THBS4: variants seen among roughly 807,000 people sequenced by gnomAD.
THBS4 encodes the protein thrombospondin 4, also known as thrombospondin-4.
A neutral mutation model predicts 115.7 loss-of-function variants in THBS4; 90 were observed. The observed-to-expected ratio is 0.78, with a 90% CI of 0.66 to 0.93. THBS4 has a LOEUF of 0.93. THBS4 is among the 40% of genes least tolerant of loss of function. The pLI is 0.00. For missense variants in THBS4, 1,087 were observed against 1,232.7 expected (o/e 0.88, Z 1.77); for synonymous variants, 460 against 479.3 (o/e 0.96, Z 0.53).
upstream of THBS4, among the ~76,000 whole-genome samples, chr5:80,034,057 A>G (rs1395050660): frequency 6.6e-6 from 1 of 152,168 alleles, no homozygotes; most frequent in Non-Finnish European, 1.5e-5. Flanking sequence ...TCCTGGGAAC[A>G]TGGTCTGGAG....
At chr5:80,005,932 A>G (rs138598437) in intron 2 of THBS4, among the ~76,000 whole-genome samples, 8,185 of 151,470 alleles carry the variant, frequency 0.054, 282 homozygotes, top group South Asian at 0.098. Flanking sequence ...ATGCCCAGCT[A>G]ATTTTTGTAT....
At position 80,055,898 on chromosome 5, in the gene THBS4, C is replaced by A. The variant is rs376440981; in HGVS notation, c.406C>A (p.Arg136=). The A allele has an allele frequency of 6.2e-7, 1 of 1,614,038 alleles. No homozygotes were observed. Among genetic ancestry groups the A allele is most frequent in the African/African-American group, 1.3e-5 (1 of 74,902 alleles). ...CCTCCTGAGGCTGAGCAATTTGCAG[C>A]GAGGGGCCGGCTCCCTAGAGCTCTA... ...RILLRLSNLQ[R]GAGSLELYLD... Residue 136 remains arginine (R), a synonymous_variant, in exon 3 of 22, where the codon CGA becomes AGA. Transcript: ENST00000350881.
chr5:80,045,328 G>A (rs897572958), intron 2 of THBS4, among the ~76,000 whole-genome samples: 16 of 152,130 alleles, frequency 1.1e-4, no homozygotes, highest in Admixed American at 8.5e-4. Flanking sequence ...AGTGTTTGCT[G>A]TAATGACCAG....
chr5:80,009,298 A>G (rs1376486187), intron 2 of THBS4, among the ~76,000 whole-genome samples: 1 of 152,250 alleles, frequency 6.6e-6, no homozygotes, highest in Non-Finnish European at 1.5e-5. Context: ...CAAATTGCCA[A>G]GAGATGCATT....
In THBS4 at chr5:80,079,095, G is replaced by A; in HGVS notation, c.2348G>A (p.Gly783Glu). Residue 783 changes from glycine (G) to glutamate (E), a missense_variant, in exon 19 of 22, where the codon GGG becomes GAG. By Grantham distance (98) the Gly-to-Glu change is moderately conservative (BLOSUM62 -2). Around this residue, in one of 3 missense-constraint regions of THBS4, gnomAD observed 979 missense variants for 1,103.7 expected, o/e 0.89. Transcript: ENST00000350881. ...YTAFNGVDFEGTFHVNTQTDD... is the reference protein window; with the variant it reads ...YTAFNGVDFEETFHVNTQTDD... ...GCTTTTAATGGAGTTGACTTCGAAG[G>A]GACCTTCCATGTGAATACCCAGACA... is the stretch of plus-strand genomic sequence containing the variant. 1 of 1,613,854 alleles carries A rather than the reference G, an allele frequency of 6.2e-7. No homozygotes were observed. Among genetic ancestry groups the A allele is most frequent in the Non-Finnish European group, 8.5e-7 (1 of 1,179,854 alleles).
chr5:80,041,274 A>G (rs137971521), intron 2 of THBS4, among the ~76,000 whole-genome samples: 20 of 152,232 alleles, frequency 1.3e-4, no homozygotes, highest in Non-Finnish European at 2.4e-4. Context: ...TAAAGTCACT[A>G]TTCCCATCAT....
chr5:80,079,131 A>G lies in THBS4; in HGVS notation c.2384A>G (p.Tyr795Cys). Residue 795 changes from tyrosine (Y) to cysteine (C), a missense_variant, in exon 19 of 22, where the codon TAT (tyrosine) becomes TGT (cysteine). Around this residue, in one of 3 missense-constraint regions of THBS4, gnomAD observed 979 missense variants for 1,103.7 expected, o/e 0.89. Coordinates refer to ENST00000350881, the MANE Select transcript of THBS4 (RefSeq NM_003248.6). Reference sequence around the variant, plus strand: ...GTGAATACCCAGACAGATGATGACTATGCAGGCTTTATCTTTGGCTACCAA... The same window carrying G: ...GTGAATACCCAGACAGATGATGACTGTGCAGGCTTTATCTTTGGCTACCAA... Reference protein sequence around the residue: ...FHVNTQTDDDYAGFIFGYQDS... With the variant: ...FHVNTQTDDDCAGFIFGYQDS... The G allele has an allele frequency of 6.2e-7, 1 of 1,614,218 alleles. No homozygotes were observed. The highest frequency in any genetic ancestry group is 1.1e-5 in the South Asian group (1 of 91,088).
intron 2 of THBS4, among the ~76,000 whole-genome samples, chr5:80,017,385 C>A (rs1162615292): frequency 6.6e-6 from 1 of 152,036 alleles, no homozygotes; most frequent in Non-Finnish European, 1.5e-5. Flanking sequence ...GAATTTTGTT[C>A]TTTGCTCAAT....
At chr5:80,063,912 G>A (rs1833723183) in intron 8 of THBS4, among the ~76,000 whole-genome samples, 1 of 152,232 alleles carries the variant, frequency 6.6e-6, no homozygotes, top group African/African-American at 2.4e-5. Context: ...AGCCAGAACT[G>A]TGACTAGAGC....
intron 11 of THBS4, 32 bp from the exon 12 acceptor site, chr5:80,070,611 G>A (rs765275404): frequency 3.1e-6 from 5 of 1,589,934 alleles, no homozygotes; most frequent in Non-Finnish European, 3.5e-6. Flanking sequence ...ACAAATGTAG[G>A]ATGTCACTCG....
Position 80,078,974 on chromosome 5 carries a change from G to A in THBS4, c.2314+5G>A. The A allele has an allele frequency of 1.9e-6, 3 of 1,614,092 alleles. No homozygotes were observed. Among genetic ancestry groups the A allele is most frequent in the Non-Finnish European group, 2.5e-6 (3 of 1,179,958 alleles). ...GTGATCCTGGCCTGGCAGTGGGTAT[G>A]TCCAGGGCCTCAGTTGCCACTCACA... On this transcript the variant is annotated splice_donor_5th_base_variant and intron_variant, in intron 18 of 21. Coordinates refer to ENST00000350881, the MANE Select transcript of THBS4 (RefSeq NM_003248.6).
rs76152295 is a variant in THBS4, at chr5:80,041,162, G to A, written c.292+882G>A. 3.3e-5 allele frequency among the ~76,000 whole-genome samples: 5 copies of A among 152,204 alleles called. No individual in the cohort carries two copies. In the East Asian group the frequency reaches 9.7e-4, roughly 29 times the overall value. ...TCCAAACCATACCACCCGCAGATTT[G>A]GCTCCTTGTAAGGGCCCAGTTCCTG... On this transcript the variant is annotated intron_variant, in intron 2 of 21. Transcript: ENST00000350881.
chr5:80,062,711 T>C (rs1057370788), intron 8 of THBS4, among the ~76,000 whole-genome samples: 17 of 152,054 alleles, frequency 1.1e-4, no homozygotes, highest in African/African-American at 3.9e-4. Context: ...CAGGCCCTGG[T>C]GTGTGACATT....
At chr5:80,072,713 T>C (rs1834114564) in intron 14 of THBS4, 1 of 344,206 alleles carries the variant, frequency 2.9e-6, no homozygotes, top group Non-Finnish European at 5.5e-6. Flanking sequence ...GGGAGCCTTG[T>C]GTCCCTTTAG....
At chr5:80,032,434 T>A (rs1832603454), upstream of THBS4, among the ~76,000 whole-genome samples, 1 of 152,064 alleles carries the variant, frequency 6.6e-6, no homozygotes, top group African/African-American at 2.4e-5. Flanking sequence ...ACTAACAGGA[T>A]AGATAGGAAG....
At chr5:80,036,036 C>T in intron 1 of THBS4, 1 of 996,784 alleles carries the variant, frequency 1.0e-6, no homozygotes. Flanking sequence ...GCGATGTATG[C>T]CCAGAGTCTG....
chr5:80,054,938 C>T (rs987100977), intron 2 of THBS4, among the ~76,000 whole-genome samples: 6 of 152,204 alleles, frequency 3.9e-5, no homozygotes, highest in African/African-American at 1.4e-4. Context: ...CTGCCACTTC[C>T]TATGTCCTTG....
At chr5:80,001,465 G>T (rs551455048) in intron 2 of THBS4, among the ~76,000 whole-genome samples, 1 of 152,312 alleles carries the variant, frequency 6.6e-6, no homozygotes, top group South Asian at 2.1e-4. Flanking sequence ...TTACTGAATG[G>T]CGTACATGGA....
intron 7 of THBS4, among the ~76,000 whole-genome samples, chr5:80,060,516 T>C (rs1382143041): frequency 6.6e-6 from 1 of 152,032 alleles, no homozygotes; most frequent in African/African-American, 2.4e-5. Flanking sequence ...TCTCAACACT[T>C]TGGGAGGCTG....
Sources: allele counts gnomAD v4.1 joint callset (sites outside exome capture counted in the v4.1 genomes callset), GRCh38; gene constraint gnomAD v4.1.1; regional missense constraint gnomAD v4.1.1; transcripts MANE v1.5; gene names NCBI Gene and HGNC (gene_info 2026-07-23, HGNC 2026-07-21).